CSNK1A1: variants seen among roughly 807,000 people sequenced by gnomAD.
CSNK1A1 encodes casein kinase 1 alpha 1, also known as casein kinase I isoform alpha.
In CSNK1A1, 7 loss-of-function variants were observed where a neutral mutation model predicts 46.1. The ratio of observed to expected loss-of-function variants is 0.15; its 90% CI spans 0.09 to 0.29. The LOEUF (loss-of-function observed/expected upper bound fraction) is 0.29, where lower values mean the gene tolerates loss of function less well. Among genes scored for constraint, CSNK1A1 ranks in the 10% least tolerant of loss-of-function variants. The pLI is 1.00. For missense variants in CSNK1A1, 96 were observed against 417.1 expected, an observed-to-expected ratio of 0.23 and a Z score of 6.71; for synonymous variants, 137 against 141.5, an observed-to-expected ratio of 0.97 and a Z score of 0.23.
At position 149,507,152 on chromosome 5, in the gene CSNK1A1, A is replaced by C. The variant is rs1352110666; in HGVS notation, c.751-19T>G. The C allele has an allele frequency of 5.9e-6, 9 of 1,537,626 alleles. No homozygotes were observed. The Admixed American group carries it at 7.6e-5, about 13-fold the overall frequency. On this transcript the variant is annotated intron_variant, in intron 7 of 9. Coordinates refer to ENST00000377843, the MANE Select transcript of CSNK1A1 (RefSeq NM_001892.6). ...GAAACCCCTATAGGTTCAAGGGTTA[A>C]AACAAAGTTAAAAACAAACATTTCA...
rs1282652792 is a variant in CSNK1A1 at position 149,550,743 on chromosome 5, G to A, written c.123+99C>T. On this transcript the variant is annotated intron_variant, in intron 1 of 9. Coordinates refer to ENST00000377843, the MANE Select transcript of CSNK1A1 (RefSeq NM_001892.6). The surrounding 1 kb of genome is among the most constrained non-coding windows in gnomAD (Gnocchi z 4.3). Reference sequence around the variant, plus strand: ...TCCCTGGACTCCCTGGCGAGTGCGTGCGATGAGGAGAGGCCCGAGCACTTT... The same window carrying A: ...TCCCTGGACTCCCTGGCGAGTGCGTACGATGAGGAGAGGCCCGAGCACTTT... 1.5e-5 allele frequency: 23 copies of A among 1,526,068 alleles called. No homozygotes were observed. Among genetic ancestry groups the A allele is most frequent in the Middle Eastern group, 1.7e-4 (1 of 5,736 alleles). The allele number at this position is 1,526,068 out of a possible 1,614,324, so 94.5% of individuals were successfully genotyped here. A position where few individuals can be genotyped will look rare whatever the true frequency, so the allele number is the denominator to read the frequency against.
At chr5:149,546,656 A>T (rs1387116106) in intron 2 of CSNK1A1, among the ~76,000 whole-genome samples, 1 of 152,040 alleles carries the variant, frequency 6.6e-6, no homozygotes, top group Non-Finnish European at 1.5e-5. Flanking sequence ...CAAATCCTAT[A>T]GGGAATTTTG....
In CSNK1A1 at chr5:149,493,853, C is replaced by A. The variant is rs1760586622; in HGVS notation, c.*3000G>T. ...CACATCTTGATTTACATGGTTATAA[C>A]TGCTTAAAAACTGGCAAAGAGAAAA... On this transcript the variant is annotated 3_prime_UTR_variant, in exon 10 of 10. Transcript: ENST00000377843. 1 of 152,178 alleles carries A rather than the reference C, an allele frequency of 6.6e-6. No homozygotes were observed. The highest frequency in any genetic ancestry group is 6.5e-5 in the Admixed American group (1 of 15,272). 9.4% of individuals were successfully genotyped at this position (152,178 alleles called of 1,614,324 possible).
chr5:149,506,600 C>T (rs78703716), intron 8 of CSNK1A1, among the ~76,000 whole-genome samples: 3 of 152,276 alleles, frequency 2.0e-5, no homozygotes, highest in East Asian at 1.9e-4. Context: ...CTATTCCCCC[C>T]CCTTTTTCAA....
At chr5:149,505,241 A>G in intron 9 of CSNK1A1, 1 of 1,327,006 alleles carries the variant, frequency 7.5e-7, no homozygotes, top group African/African-American at 1.5e-5. Context: ...ATGTATATAC[A>G]AATACATATA....
At chr5:149,514,622 G>C (rs1457919906) in intron 4 of CSNK1A1, among the ~76,000 whole-genome samples, 2 of 152,202 alleles carry the variant, frequency 1.3e-5, no homozygotes, top group East Asian at 3.9e-4. Context: ...TGGGAAACTT[G>C]ATCACCTAAC....
chr5:149,504,300 G>T, intron 9 of CSNK1A1: 1 of 985,262 alleles, frequency 1.0e-6, no homozygotes, highest in Non-Finnish European at 1.2e-6. Context: ...GGATGAGGAT[G>T]ACATCAGTTA....
intron 4 of CSNK1A1, 123 bp from the exon 5 acceptor site, chr5:149,513,332 A>C (rs1761289862): frequency 2.2e-6 from 2 of 917,194 alleles, no homozygotes; most frequent in Non-Finnish European, 3.2e-6. Flanking sequence ...CCTAAGTATT[A>C]ATAGAACAGA....
intron 4 of CSNK1A1, among the ~76,000 whole-genome samples, chr5:149,513,894 TTTC>T (rs1761314610): frequency 1.4e-5 from 2 of 139,264 alleles, no homozygotes; most frequent in Admixed American, 7.9e-5. Flanking sequence ...AGCAAAACTC[TTTC>T]TTAAAAAAAA....
rs1485586625 is a variant in CSNK1A1, at chr5:149,517,175, G to C, written c.456+3115C>G. Among the ~76,000 whole-genome samples, 1 of 152,110 alleles carries C rather than the reference G, an allele frequency of 6.6e-6. No homozygotes were observed. The highest frequency in any genetic ancestry group is 1.5e-5 in the Non-Finnish European group (1 of 68,010). On this transcript the variant is annotated intron_variant, in intron 4 of 9. Transcript: ENST00000377843. The surrounding 1 kb of genome is among the most constrained non-coding windows in gnomAD (Gnocchi z 4.4). ...CTAATGGTAATCTACCATATAACTT[G>C]ATAAGTGCTTAAGCTATGTTATTGT... is the stretch of plus-strand genomic sequence containing the variant.
intron 2 of CSNK1A1, among the ~76,000 whole-genome samples, chr5:149,528,961 G>T (rs1360583017): frequency 6.6e-6 from 1 of 152,042 alleles, no homozygotes; most frequent in Non-Finnish European, 1.5e-5. Context: ...AGAAACACAG[G>T]TCTTACCTTT....
intron 2 of CSNK1A1, among the ~76,000 whole-genome samples, chr5:149,539,974 T>C (rs79669129): frequency 0.014 from 2,167 of 152,300 alleles, 54 homozygotes; most frequent in African/African-American, 0.049. Context: ...AAAAAGAATG[T>C]TTAGCCACAC....
Position 149,551,125 on chromosome 5 carries a change from G to T in CSNK1A1, c.-161C>A. 1 of 672,512 alleles carries T rather than the reference G, an allele frequency of 1.5e-6. No homozygotes were observed. The highest frequency in any genetic ancestry group is 2.5e-6 in the Non-Finnish European group (1 of 402,340). The allele number at this position is 672,512 out of a possible 1,614,324, so 41.7% of individuals were successfully genotyped here. On this transcript the variant is annotated 5_prime_UTR_variant, in exon 1 of 10. Coordinates refer to ENST00000377843, the MANE Select transcript of CSNK1A1 (RefSeq NM_001892.6). The stretch of plus-strand genomic sequence containing the variant: ...TTCGGGGCCCAGAATCAGCAGAGGG[G>T]AACCTGATCACCGCCGCTCAGTCAG...
intron 2 of CSNK1A1, among the ~76,000 whole-genome samples, chr5:149,542,601 TA>T (rs1762276573): frequency 8.0e-4 from 4 of 5,014 alleles, no homozygotes; most frequent in African/African-American, 5.9e-3. Context: ...TTTATATATA[TA>T]TATATATATA....
At position 149,505,995 on chromosome 5, in the gene CSNK1A1, C is replaced by T. The variant is rs1167720974; in HGVS notation, c.858-400G>A. Among the ~76,000 whole-genome samples, 7 of 151,924 alleles carry T rather than the reference C, an allele frequency of 4.6e-5. 1 individual carries two copies. The East Asian group carries it at 5.8e-4, about 13-fold the overall frequency. On this transcript the variant is annotated intron_variant, in intron 8 of 9. Transcript: ENST00000377843. The stretch of plus-strand genomic sequence containing the variant: ...AGGCTGGAGTGCAGTGGTGCAATCT[C>T]GGCTCACTGCAACCTCCGTCTCGCA...
chr5:149,525,231 C>T lies in CSNK1A1; in HGVS notation c.231-60G>A, dbSNP rs985610044. 5.5e-6 allele frequency: 8 copies of T among 1,445,832 alleles called. No individual in the cohort carries two copies. In the African/African-American group the frequency reaches 5.8e-5, roughly 10 times the overall value. The allele number at this position is 1,445,832 out of a possible 1,614,324, so 89.6% of individuals were successfully genotyped here. On this transcript the variant is annotated intron_variant, in intron 2 of 9. Transcript: ENST00000377843. The surrounding 1 kb of genome is among the most constrained non-coding windows in gnomAD (Gnocchi z 4.2). ...AAAAGCTATTACTTAATATCATCAACCCTAAGAATAATATAGTTTTCTTTC... is the reference window on the plus strand; with the variant it reads ...AAAAGCTATTACTTAATATCATCAATCCTAAGAATAATATAGTTTTCTTTC...
rs1172364976 is a variant in CSNK1A1, at chr5:149,525,963, A to C, written c.231-792T>G. Among the ~76,000 whole-genome samples, 3 of 152,224 alleles carry C rather than the reference A, an allele frequency of 2.0e-5. No homozygotes were observed. Among genetic ancestry groups the C allele is most frequent in the African/African-American group, 7.2e-5 (3 of 41,454 alleles). ...TGCTAAGAAAATCAGGTGATACTTA[A>C]AATTTTGTTTAAAAAGTTATTTTAA... On this transcript the variant is annotated intron_variant, in intron 2 of 9. Coordinates refer to ENST00000377843, the MANE Select transcript of CSNK1A1 (RefSeq NM_001892.6). This position sits in a 1 kb window ranked among gnomAD's most constrained non-coding sequence, Gnocchi z 4.2.
In CSNK1A1 at chr5:149,525,210, G is replaced by A; in HGVS notation, c.231-39C>T. ...AGGAGAAGAGAGGATATTACAAAAA[G>A]CTATTACTTAATATCATCAACCCTA... On this transcript the variant is annotated intron_variant, in intron 2 of 9. Transcript: ENST00000377843. This position sits in a 1 kb window ranked among gnomAD's most constrained non-coding sequence, Gnocchi z 4.2. The A allele has an allele frequency of 1.3e-6, 2 of 1,543,166 alleles. No homozygotes were observed. Among genetic ancestry groups the A allele is most frequent in the East Asian group, 4.6e-5 (2 of 43,368 alleles).
Position 149,525,267 on chromosome 5 carries a change from T to A in CSNK1A1, c.231-96A>T. On this transcript the variant is annotated intron_variant, in intron 2 of 9. Coordinates refer to ENST00000377843, the MANE Select transcript of CSNK1A1 (RefSeq NM_001892.6). This position sits in a 1 kb window ranked among gnomAD's most constrained non-coding sequence, Gnocchi z 4.2. ...ATATAGTTTTCTTTCACTGACTAGG[T>A]ATTATATAAGGCGAATGTTCCCCTA... 1 of 1,235,466 alleles carries A rather than the reference T, an allele frequency of 8.1e-7. No homozygotes were observed. Among genetic ancestry groups the A allele is most frequent in the Non-Finnish European group, 1.1e-6 (1 of 922,436 alleles). 76.5% of individuals were successfully genotyped at this position (1,235,466 alleles called of 1,614,324 possible).
Sources: allele counts gnomAD v4.1 joint callset (sites outside exome capture counted in the v4.1 genomes callset), GRCh38; gene constraint gnomAD v4.1.1; non-coding constraint Gnocchi (gnomAD v3.1); transcripts MANE v1.5; gene names NCBI Gene and HGNC (gene_info 2026-07-23, HGNC 2026-07-21).